Variants in PDE8B observed in about 807,000 individuals in gnomAD.
PDE8B encodes phosphodiesterase 8B.
In PDE8B, 26 loss-of-function variants were observed where a neutral mutation model predicts 101.3. The ratio of observed to expected loss-of-function variants is 0.26; its 90% CI spans 0.19 to 0.36. The LOEUF is 0.36. Among genes scored for constraint, PDE8B ranks in the 10% least tolerant of loss-of-function variants. The pLI, the probability that PDE8B is intolerant of heterozygous loss-of-function variation, is 1.00. For synonymous variants in PDE8B, 424 were observed against 429.3 expected, an observed-to-expected ratio of 0.99 and a Z score of 0.15; for missense variants, 810 against 1,163.1, an observed-to-expected ratio of 0.70 and a Z score of 4.42.
chr5:77,337,713 A>G (rs2150342964), intron 6 of PDE8B, among the ~76,000 whole-genome samples: 1 of 152,392 alleles, frequency 6.6e-6, no homozygotes, highest in Middle Eastern at 3.4e-3. Flanking sequence ...CATGCTAACC[A>G]TAAAAATGGC....
intron 10 of PDE8B, among the ~76,000 whole-genome samples, chr5:77,364,813 G>T (rs1280844517): frequency 6.6e-6 from 1 of 152,184 alleles, no homozygotes; most frequent in East Asian, 1.9e-4. Flanking sequence ...CACTTTCATA[G>T]CAAACACAAC....
intron 1 of PDE8B, among the ~76,000 whole-genome samples, chr5:77,269,304 G>A (rs899471072): frequency 7.2e-5 from 11 of 152,018 alleles, no homozygotes; most frequent in African/African-American, 9.7e-5. Flanking sequence ...CAGGTCTTTT[G>A]CCCATTTTAA....
intron 1 of PDE8B, among the ~76,000 whole-genome samples, chr5:77,310,136 A>T (rs992347633): frequency 6.6e-6 from 1 of 151,804 alleles, no homozygotes; most frequent in African/African-American, 2.4e-5. Flanking sequence ...TTTTTAGTAG[A>T]GATGGGGTTT....
At chr5:77,282,228 G>A (rs904608543) in intron 1 of PDE8B, among the ~76,000 whole-genome samples, 3 of 152,050 alleles carry the variant, frequency 2.0e-5, no homozygotes, top group Non-Finnish European at 4.4e-5. Flanking sequence ...CTGGCCCTGT[G>A]GTCCCAGCTT....
chr5:77,214,005 T>A (rs1749099328), intron 1 of PDE8B: 1 of 152,344 alleles, frequency 6.6e-6, no homozygotes, highest in Non-Finnish European at 1.5e-5. Flanking sequence ...GAAGTTAGAT[T>A]TGTCTCCCAA....
At chr5:77,295,467 A>G (rs1277121487) in intron 1 of PDE8B, among the ~76,000 whole-genome samples, 1 of 152,192 alleles carries the variant, frequency 6.6e-6, no homozygotes, top group Non-Finnish European at 1.5e-5. Context: ...AAGTGGTTCT[A>G]TGATCCCTTG....
the PDE8B span, among the ~76,000 whole-genome samples, chr5:77,100,846 C>T: frequency 6.6e-6 from 1 of 151,586 alleles, no homozygotes; most frequent in African/African-American, 2.4e-5. Context: ...GAAGTGTTTA[C>T]AAACTTTTTG....
At chr5:77,142,000 G>A in the PDE8B span, 1 of 152,096 alleles carries the variant, frequency 6.6e-6, no homozygotes, top group South Asian at 2.1e-4. Flanking sequence ...ATAATGTAAA[G>A]AAAAGAGATT....
intron 1 of PDE8B, among the ~76,000 whole-genome samples, chr5:77,234,140 T>G (rs57269846): frequency 6.6e-6 from 1 of 151,928 alleles, no homozygotes; most frequent in Non-Finnish European, 1.5e-5. Context: ...CCTGCATTTC[T>G]GTGACTTATT....
At chr5:77,097,727 A>ATCTATC in the PDE8B span, among the ~76,000 whole-genome samples, 8 of 61,946 alleles carry the variant, frequency 1.3e-4, no homozygotes, top group South Asian at 5.7e-4. Context: ...ATATATATAT[A>ATCTATC]TATATACATA....
chr5:77,178,023 A>G, the PDE8B span, among the ~76,000 whole-genome samples: 1 of 152,288 alleles, frequency 6.6e-6, no homozygotes, highest in African/African-American at 2.4e-5. Flanking sequence ...GATACTGTCA[A>G]TTTTTATGCA....
chr5:77,246,273 G>A (rs1234978600), intron 1 of PDE8B, among the ~76,000 whole-genome samples: 2 of 152,178 alleles, frequency 1.3e-5, no homozygotes, highest in Admixed American at 6.5e-5. Flanking sequence ...ACAAATGATT[G>A]TGCCATTCTG....
chr5:77,260,157 C>CAAAAAAAAAAAAAAAAAAAAAAA (rs66923234), intron 1 of PDE8B, among the ~76,000 whole-genome samples: 6 of 100,976 alleles, frequency 5.9e-5, no homozygotes, highest in Non-Finnish European at 8.1e-5. Context: ...AACTCCATCA[C>CAAAAAAAAAAAAAAAAAAAAAAA]AAAAAAAAAA....
At chr5:77,284,989 T>C (rs1765712685) in intron 1 of PDE8B, among the ~76,000 whole-genome samples, 1 of 152,206 alleles carries the variant, frequency 6.6e-6, no homozygotes, top group Non-Finnish European at 1.5e-5. Flanking sequence ...CTAAGATAGA[T>C]AGTGAGTGTC....
chr5:77,233,003 G>A (rs535117905), intron 1 of PDE8B, among the ~76,000 whole-genome samples: 1 of 152,310 alleles, frequency 6.6e-6, no homozygotes, highest in South Asian at 2.1e-4. Context: ...TAAGGGCTTG[G>A]CAGTGTGGGG....
chr5:77,259,271 C>T (rs1032668342), intron 1 of PDE8B, among the ~76,000 whole-genome samples: 15 of 152,234 alleles, frequency 9.9e-5, no homozygotes, highest in Admixed American at 7.2e-4. Context: ...TTCAAGTCTG[C>T]TCCTGTCTTC....
chr5:77,288,629 C>G (rs942060522), intron 1 of PDE8B, among the ~76,000 whole-genome samples: 1 of 152,156 alleles, frequency 6.6e-6, no homozygotes, highest in Admixed American at 6.5e-5. Flanking sequence ...CTGAGACTTA[C>G]AGCAGCCTGC....
chr5:77,246,683 A>G (rs1757019457), intron 1 of PDE8B: 1 of 152,244 alleles, frequency 6.6e-6, no homozygotes, highest in African/African-American at 2.4e-5. Flanking sequence ...CAGAGACCAA[A>G]TGGCCTGCAA....
chr5:77,117,803 A>G, the PDE8B span, among the ~76,000 whole-genome samples: 5 of 152,190 alleles, frequency 3.3e-5, no homozygotes, highest in Admixed American at 3.3e-4. Flanking sequence ...CGATTGAAAT[A>G]TGCATCCATT....
Sources: allele counts gnomAD v4.1 joint callset (sites outside exome capture counted in the v4.1 genomes callset), GRCh38; gene constraint gnomAD v4.1.1; transcripts MANE v1.5; gene names NCBI Gene and HGNC (gene_info 2026-07-23, HGNC 2026-07-21).